The following MIGA2 variants were observed in gnomAD, a reference collection of about 807,000 sequenced individuals.
MIGA2 encodes family with sequence similarity 73, member B.
A neutral mutation model predicts 69.9 loss-of-function variants in MIGA2; 36 were observed. The ratio of observed to expected loss-of-function variants is 0.52; its 90% confidence interval spans 0.39 to 0.68. The LOEUF (loss-of-function observed/expected upper bound fraction) is 0.68, where lower values mean the gene tolerates loss of function less well. MIGA2 is among the 30% of genes least tolerant of loss of function. The pLI, the probability that MIGA2 is intolerant of heterozygous loss-of-function variation, is 0.00. For missense variants in MIGA2, 660 were observed against 787.7 expected, an observed-to-expected ratio of 0.84 and a Z score of 1.94; for synonymous variants, 333 against 349.2, an observed-to-expected ratio of 0.95 and a Z score of 0.52.
At position 129,059,350 on chromosome 9, in the gene MIGA2, T is replaced by A; in HGVS notation, c.793+79T>A. Reference sequence around the variant, plus strand: ...GTGAGGAGAAGTTGCGAGAACCGGGTCGTGGTTCTCTCAGTGCGTCCAATG... The same window carrying A: ...GTGAGGAGAAGTTGCGAGAACCGGGACGTGGTTCTCTCAGTGCGTCCAATG... On this transcript the variant is annotated intron_variant, in intron 7 of 15. Transcript: ENST00000684074. The surrounding 1 kb of genome is among the most constrained non-coding windows in gnomAD (Gnocchi z 5.6). 8.8e-7 allele frequency: 1 copy of A among 1,138,196 alleles called. No homozygotes were observed. Among genetic ancestry groups the A allele is most frequent in the Non-Finnish European group, 1.3e-6 (1 of 784,012 alleles). The allele number at this position is 1,138,196 out of a possible 1,614,324, so 70.5% of individuals were successfully genotyped here. A position where few individuals can be genotyped will look rare whatever the true frequency, so the allele number is the denominator to read the frequency against.
chr9:129,049,539 T>G (rs1588382969), intron 5 of MIGA2, 41 bp downstream of exon 5: 1 of 1,588,684 alleles, frequency 6.3e-7, no homozygotes, highest in Non-Finnish European at 8.6e-7. Context: ...GCAGGGTGGG[T>G]GGCAGGAACA....
intron 6 of MIGA2, among the ~76,000 whole-genome samples, chr9:129,050,627 A>C (rs1845476309): frequency 6.9e-6 from 1 of 145,598 alleles, no homozygotes; most frequent in Non-Finnish European, 1.5e-5. Context: ...GCTGGAGTGC[A>C]GTGGCGCAAT....
At position 129,062,549 on chromosome 9, in the gene MIGA2, A is replaced by G. The variant is rs866347826; in HGVS notation, c.1011-695A>G. 2.5e-3 allele frequency among the ~76,000 whole-genome samples: 372 copies of G among 149,024 alleles called. 1 individual carries two copies. The highest frequency in any genetic ancestry group is 8.5e-3 in the African/African-American group (343 of 40,488). On this transcript the variant is annotated intron_variant, in intron 9 of 15. Coordinates refer to ENST00000684074, the MANE Select transcript of MIGA2 (RefSeq NM_001329990.2). ...TCCATCTCAAAAAAAAAAAAAAAAA[A>G]GCAAAAAAACTGGGCCAGGCGCCAT...
At chr9:129,044,696 G>A (rs1285642849) in intron 3 of MIGA2, among the ~76,000 whole-genome samples, 1 of 152,046 alleles carries the variant, frequency 6.6e-6, no homozygotes, top group Non-Finnish European at 1.5e-5. Context: ...GGAATTACAG[G>A]CATGAGCCAC....
At position 129,069,402 on chromosome 9, in the gene MIGA2, T is replaced by A. The variant is rs949724950; in HGVS notation, c.1458+273T>A. The stretch of plus-strand genomic sequence containing the variant: ...GTGGCCACAGGGCTGGCAGCTGGCC[T>A]GGTGCAGGCGTCTCGGTGGGGGCAG... On this transcript the variant is annotated intron_variant, in intron 14 of 15. Coordinates refer to ENST00000684074, the MANE Select transcript of MIGA2 (RefSeq NM_001329990.2). This position sits in a 1 kb window ranked among gnomAD's most constrained non-coding sequence, Gnocchi z 4.9. 7 of 554,132 alleles carry A rather than the reference T, an allele frequency of 1.3e-5. No individual in the cohort carries two copies. In the Admixed American group the frequency reaches 1.9e-4, roughly 15 times the overall value. The allele number at this position is 554,132 out of a possible 1,614,324, so 34.3% of individuals were successfully genotyped here.
At position 129,068,014 on chromosome 9, in the gene MIGA2, C is replaced by A; in HGVS notation, c.1269+143C>A. On this transcript the variant is annotated intron_variant, in intron 12 of 15. Transcript: ENST00000684074. This position sits in a 1 kb window ranked among gnomAD's most constrained non-coding sequence, Gnocchi z 4.1. ...TCATAGTCCCCGGTTCCTGCCCTGC[C>A]CCAGGCCAAGGCAGAGGGAGGAATG... 1 of 1,277,306 alleles carries A rather than the reference C, an allele frequency of 7.8e-7. No individual in the cohort carries two copies. The highest frequency in any genetic ancestry group is 1.1e-6 in the Non-Finnish European group (1 of 903,404). 79.1% of individuals were successfully genotyped at this position (1,277,306 alleles called of 1,614,324 possible). A position where few individuals can be genotyped will look rare whatever the true frequency, so the allele number is the denominator to read the frequency against.
intron 6 of MIGA2, among the ~76,000 whole-genome samples, chr9:129,057,457 C>T (rs1208746318): frequency 6.6e-6 from 1 of 151,718 alleles, no homozygotes; most frequent in East Asian, 2.0e-4. Context: ...CCATGCCCGG[C>T]TGATTTTTTG....
intron 1 of MIGA2, chr9:129,039,827 C>T (rs1844803465): frequency 6.5e-6 from 1 of 154,934 alleles, no homozygotes; most frequent in African/African-American, 2.4e-5. Context: ...ACTGCCACCT[C>T]CACCTCCCAG....
Position 129,061,131 on chromosome 9 carries a change from T to G in MIGA2, c.895-100T>G. On this transcript the variant is annotated intron_variant, in intron 8 of 15. Coordinates refer to ENST00000684074, the MANE Select transcript of MIGA2 (RefSeq NM_001329990.2). The surrounding 1 kb of genome is among the most constrained non-coding windows in gnomAD (Gnocchi z 5.0). Reference sequence around the variant, plus strand: ...GAGACGTTGGCAGTGGGCAGGCACCTGGGGTGGCCGCTGTGGCCGACCAAT... The same window carrying G: ...GAGACGTTGGCAGTGGGCAGGCACCGGGGGTGGCCGCTGTGGCCGACCAAT... The G allele has an allele frequency of 1.0e-6, 1 of 978,268 alleles. No individual in the cohort carries two copies. Among genetic ancestry groups the G allele is most frequent in the East Asian group, 2.6e-5 (1 of 38,416 alleles). 60.6% of individuals were successfully genotyped at this position (978,268 alleles called of 1,614,324 possible).
At chr9:129,043,238 C>T (rs903132917) in intron 3 of MIGA2, among the ~76,000 whole-genome samples, 3 of 152,030 alleles carry the variant, frequency 2.0e-5, no homozygotes, top group Non-Finnish European at 4.4e-5. Flanking sequence ...CAGTAAGATT[C>T]GTACTTTTTA....
At chr9:129,066,456 C>T (rs1208397631) in intron 11 of MIGA2, among the ~76,000 whole-genome samples, 12 of 151,986 alleles carry the variant, frequency 7.9e-5, no homozygotes, top group African/African-American at 4.8e-5. Context: ...GGGAGGATCA[C>T]GAGGTCAGGA....
chr9:129,067,436 G>A lies in MIGA2; in HGVS notation c.1171-337G>A, dbSNP rs574051174. On this transcript the variant is annotated intron_variant, in intron 11 of 15. Coordinates refer to ENST00000684074, the MANE Select transcript of MIGA2 (RefSeq NM_001329990.2). The stretch of plus-strand genomic sequence containing the variant: ...GCGGCTGTAGCTTCTCCCCTTTCCT[G>A]TTGAGGTCCAAGGTCACGGAGATTT... 2.2e-4 allele frequency: 64 copies of A among 288,228 alleles called. 1 individual carries two copies. The South Asian group carries it at 2.4e-3, about 11-fold the overall frequency. The allele number at this position is 288,228 out of a possible 1,614,324, so 17.9% of individuals were successfully genotyped here. A position where few individuals can be genotyped will look rare whatever the true frequency, so the allele number is the denominator to read the frequency against.
rs28365558 is a variant in MIGA2, at chr9:129,069,263, G to A, written c.1458+134G>A. The A allele has an allele frequency of 3.8e-5, 43 of 1,121,916 alleles. No individual in the cohort carries two copies. In the East Asian group the frequency reaches 5.2e-4, roughly 14 times the overall value. The allele number at this position is 1,121,916 out of a possible 1,614,324, so 69.5% of individuals were successfully genotyped here. On this transcript the variant is annotated intron_variant, in intron 14 of 15. Coordinates refer to ENST00000684074, the MANE Select transcript of MIGA2 (RefSeq NM_001329990.2). This position sits in a 1 kb window ranked among gnomAD's most constrained non-coding sequence, Gnocchi z 4.9. ...ACAGTCCTGGCCCCCTTGTTCCGCC[G>A]TTACCTCTCCCTGTGCCAGGAGCTC...
At position 129,071,952 on chromosome 9, in the gene MIGA2, A is replaced by G. The variant is rs1423595792; in HGVS notation, c.*1499A>G. The G allele has an allele frequency of 6.6e-6, 1 of 152,528 alleles. No homozygotes were observed. The highest frequency in any genetic ancestry group is 1.5e-5 in the Non-Finnish European group (1 of 68,034). The allele number at this position is 152,528 out of a possible 1,614,324, so 9.4% of individuals were successfully genotyped here. A position where few individuals can be genotyped will look rare whatever the true frequency, so the allele number is the denominator to read the frequency against. On this transcript the variant is annotated 3_prime_UTR_variant, in exon 16 of 16. Transcript: ENST00000684074. Reference sequence around the variant, plus strand: ...CTTGGCCCCGCCCACTCTGATTTGCATTTTCATTTGTGTTTGTTTACACAT... The same window carrying G: ...CTTGGCCCCGCCCACTCTGATTTGCGTTTTCATTTGTGTTTGTTTACACAT...
chr9:129,038,805 T>C (rs1304742001), intron 1 of MIGA2, among the ~76,000 whole-genome samples: 8 of 142,018 alleles, frequency 5.6e-5, no homozygotes, highest in African/African-American at 1.9e-4. Context: ...TTTTTTTTTT[T>C]TTTTTTTTGT....
At position 129,051,284 on chromosome 9, in the gene MIGA2, ATTTT is replaced by A. The variant is rs747480607; in HGVS notation, c.675+1329_675+1332del. 3.9e-3 allele frequency: 621 copies of A among 160,894 alleles called. 2 individuals carry two copies. The highest frequency in any genetic ancestry group is 0.014 in the African/African-American group (530 of 36,610). The allele number at this position is 160,894 out of a possible 1,614,324, so 10.0% of individuals were successfully genotyped here. A position where few individuals can be genotyped will look rare whatever the true frequency, so the allele number is the denominator to read the frequency against. ...TATTTATTTATTTATTTATTTATTT[ATTTT>A]TTTTTTTGGAGACGGAGTCTCACTC... On this transcript the variant is annotated intron_variant, in intron 6 of 15. Coordinates refer to ENST00000684074, the MANE Select transcript of MIGA2 (RefSeq NM_001329990.2).
chr9:129,047,756 G>A (rs1845307733), intron 3 of MIGA2, among the ~76,000 whole-genome samples: 1 of 151,576 alleles, frequency 6.6e-6, no homozygotes, highest in Non-Finnish European at 1.5e-5. Flanking sequence ...TTGAGACAGG[G>A]TCTCACTCTG....
intron 1 of MIGA2, among the ~76,000 whole-genome samples, chr9:129,039,491 C>T (rs1455093439): frequency 6.6e-6 from 1 of 152,054 alleles, no homozygotes; most frequent in Non-Finnish European, 1.5e-5. Context: ...GTGATCCTCC[C>T]TCCTCGGCCT....
intron 6 of MIGA2, among the ~76,000 whole-genome samples, chr9:129,058,464 C>T (rs1445857853): frequency 6.8e-6 from 1 of 147,272 alleles, no homozygotes; most frequent in Non-Finnish European, 1.5e-5. Flanking sequence ...AGGGGTGAGT[C>T]AGTTACCATA....
Sources: allele counts gnomAD v4.1 joint callset (sites outside exome capture counted in the v4.1 genomes callset), GRCh38; gene constraint gnomAD v4.1.1; non-coding constraint Gnocchi (gnomAD v3.1); transcripts MANE v1.5; gene names NCBI Gene and HGNC (gene_info 2026-07-23, HGNC 2026-07-21).